Variants in BTRC observed in about 807,000 individuals in gnomAD.
The protein encoded by BTRC is F-box/WD repeat-containing protein 1A.
BTRC carries 42 observed loss-of-function variants against 85.5 expected under a neutral mutation model. That is an observed-to-expected ratio of 0.49 (90% confidence interval 0.38 to 0.64). BTRC has a LOEUF of 0.64. BTRC is among the 30% of genes least tolerant of loss of function. The pLI is 0.00. For missense variants in BTRC, 594 were observed against 743.5 expected (o/e 0.80, Z 2.34); for synonymous variants, 255 against 263.3 (o/e 0.97, Z 0.30).
chr10:101,484,153 T>C (rs1161923170), intron 4 of BTRC, among the ~76,000 whole-genome samples: 2 of 152,040 alleles, frequency 1.3e-5, no homozygotes, highest in Non-Finnish European at 2.9e-5. Flanking sequence ...TATTGGTTGT[T>C]GTCACTGTTT....
At chr10:101,382,211 G>A (rs903907920) in intron 1 of BTRC, among the ~76,000 whole-genome samples, 9 of 151,376 alleles carry the variant, frequency 5.9e-5, no homozygotes, top group African/African-American at 1.5e-4. Flanking sequence ...TCGAACTCCC[G>A]ACCTCAGGTG....
intron 1 of BTRC, among the ~76,000 whole-genome samples, chr10:101,427,341 C>G (rs992452878): frequency 6.6e-6 from 1 of 151,860 alleles, no homozygotes. Context: ...TGGTCTTGAT[C>G]TCTTGACCTT....
chr10:101,525,940 TA>T, intron 5 of BTRC, 72 bp from the exon 6 acceptor site: 1 of 1,443,478 alleles, frequency 6.9e-7, no homozygotes, highest in Non-Finnish European at 9.5e-7. Context: ...TGTTCTGTTT[TA>T]AAGGACCTTT....
At chr10:101,388,514 G>A (rs1394046576) in intron 1 of BTRC, among the ~76,000 whole-genome samples, 1 of 151,280 alleles carries the variant, frequency 6.6e-6, no homozygotes, top group Non-Finnish European at 1.5e-5. Flanking sequence ...GATTGAGACA[G>A]GGTCTCATTC....
intron 4 of BTRC, among the ~76,000 whole-genome samples, chr10:101,510,587 A>G (rs1284737809): frequency 1.3e-5 from 2 of 152,072 alleles, no homozygotes; most frequent in East Asian, 1.9e-4. Flanking sequence ...AGAGTATAAT[A>G]TAGACTTTTA....
intron 1 of BTRC, among the ~76,000 whole-genome samples, chr10:101,374,264 G>A (rs1316479437): frequency 6.6e-6 from 1 of 152,106 alleles, no homozygotes; most frequent in African/African-American, 2.4e-5. Context: ...TCTGACTGGT[G>A]TGAGATGGTA....
chr10:101,533,592 G>A (rs2062334570), intron 9 of BTRC, among the ~76,000 whole-genome samples: 1 of 152,120 alleles, frequency 6.6e-6, no homozygotes. Flanking sequence ...TATACTGCTG[G>A]AGTCCAGGAT....
At chr10:101,419,014 CTTTT>C (rs1331387470) in intron 1 of BTRC, among the ~76,000 whole-genome samples, 1 of 142,818 alleles carries the variant, frequency 7.0e-6, no homozygotes, top group Non-Finnish European at 1.5e-5. Context: ...TTCTTTCTTT[CTTTT>C]TTTTTTTTTT....
chr10:101,477,499 A>C (rs556974611), intron 3 of BTRC, among the ~76,000 whole-genome samples: 1 of 152,312 alleles, frequency 6.6e-6, no homozygotes, highest in African/African-American at 2.4e-5. Context: ...TTTTTGGTAG[A>C]GACAGGGCCT....
At chr10:101,474,722 G>A (rs1324326362) in intron 3 of BTRC, among the ~76,000 whole-genome samples, 3 of 152,134 alleles carry the variant, frequency 2.0e-5, no homozygotes, top group Admixed American at 6.5e-5. Context: ...TTGAATTCTA[G>A]TCACCCTGCA....
At chr10:101,533,136 T>C in intron 9 of BTRC, 66 bp downstream of exon 9, 1 of 1,226,740 alleles carries the variant, frequency 8.2e-7, no homozygotes, top group Non-Finnish European at 1.2e-6. Context: ...TTGTCATAGA[T>C]AGTAATTTTG....
intron 4 of BTRC, among the ~76,000 whole-genome samples, chr10:101,519,753 T>C (rs2062076046): frequency 6.6e-6 from 1 of 152,144 alleles, no homozygotes; most frequent in Admixed American, 6.5e-5. Flanking sequence ...CCCAGCACTT[T>C]GGGAGGCCAA....
chr10:101,506,737 G>A (rs1235981946), intron 4 of BTRC, among the ~76,000 whole-genome samples: 1 of 152,178 alleles, frequency 6.6e-6, no homozygotes, highest in Admixed American at 6.5e-5. Flanking sequence ...TGGATGGCAA[G>A]GCTAGATGAA....
chr10:101,490,417 G>A (rs1023568597), intron 4 of BTRC, among the ~76,000 whole-genome samples: 5 of 152,220 alleles, frequency 3.3e-5, no homozygotes, highest in African/African-American at 1.2e-4. Flanking sequence ...AACCTGGTGA[G>A]ATGGACTGGA....
intron 13 of BTRC, among the ~76,000 whole-genome samples, chr10:101,541,781 C>T (rs1380091752): frequency 2.0e-5 from 3 of 152,100 alleles, no homozygotes; most frequent in Non-Finnish European, 4.4e-5. Flanking sequence ...ATAAACACCA[C>T]TTGTTCATGA....
chr10:101,521,788 C>T lies in BTRC; in HGVS notation c.474C>T (p.Ser158=). The change falls in exon 5 of 15, where the codon TCC becomes TCT. Residue 158 remains serine (S), a synonymous_variant. Coordinates refer to ENST00000370187, the MANE Select transcript of BTRC (RefSeq NM_033637.4). ...DQVEFVEHLI[S]QMCHYQHGHI... is the part of the protein sequence containing the mutation. Reference sequence around the variant, plus strand: ...TGGAATTTGTGGAACATCTTATATCCCAAATGTGTCATTACCAACATGGGC... The same window carrying T: ...TGGAATTTGTGGAACATCTTATATCTCAAATGTGTCATTACCAACATGGGC... 1 of 1,613,950 alleles carries T rather than the reference C, an allele frequency of 6.2e-7. No homozygotes were observed. The highest frequency in any genetic ancestry group is 8.5e-7 in the Non-Finnish European group (1 of 1,179,952).
chr10:101,368,104 A>T (rs1042559060), intron 1 of BTRC, among the ~76,000 whole-genome samples: 3 of 152,224 alleles, frequency 2.0e-5, no homozygotes, highest in Non-Finnish European at 4.4e-5. Context: ...TGTTTGGATT[A>T]TGGAGGTGCG....
chr10:101,449,492 T>C (rs1435393898), intron 2 of BTRC, among the ~76,000 whole-genome samples: 1 of 152,088 alleles, frequency 6.6e-6, no homozygotes, highest in Non-Finnish European at 1.5e-5. Context: ...CAAAACTATA[T>C]GCAGAGGATC....
At chr10:101,522,387 A>AAAAAC (rs2062126633) in intron 5 of BTRC, among the ~76,000 whole-genome samples, 1 of 137,622 alleles carries the variant, frequency 7.3e-6, no homozygotes, top group African/African-American at 2.6e-5. Flanking sequence ...CAAAAAAAAA[A>AAAAAC]AAACTCTAGA....
Sources: gnomAD v4.1 joint callset for allele counts (sites outside exome capture counted in the v4.1 genomes callset) on GRCh38, gnomAD v4.1.1 for gene constraint, MANE v1.5 for transcripts, NCBI Gene and HGNC (gene_info 2026-07-23, HGNC 2026-07-21) for gene names.